The following DDHD1 variants were observed in gnomAD, a reference collection of about 807,000 sequenced individuals.
DDHD1 encodes the protein DDHD domain containing 1.
DDHD1 carries 49 observed loss-of-function variants against 96.4 expected under a neutral mutation model. The ratio of observed to expected loss-of-function variants is 0.51; its 90% CI spans 0.40 to 0.64. The LOEUF (loss-of-function observed/expected upper bound fraction) is 0.64, where lower values mean the gene tolerates loss of function less well. Among genes scored for constraint, DDHD1 ranks in the 30% least tolerant of loss-of-function variants. The pLI is 0.00. For synonymous variants in DDHD1, 442 were observed against 446.5 expected, an observed-to-expected ratio of 0.99 and a Z score of 0.13; for missense variants, 1,106 against 1,161.2, an observed-to-expected ratio of 0.95 and a Z score of 0.69.
intron 1 of DDHD1, among the ~76,000 whole-genome samples, chr14:53,137,982 G>A (rs148752095): frequency 1.3e-5 from 2 of 152,320 alleles, no homozygotes; most frequent in East Asian, 3.9e-4. Flanking sequence ...AACTATAGAA[G>A]TGAAAGACAA....
At chr14:53,065,350 T>C (rs917611515) in intron 6 of DDHD1, among the ~76,000 whole-genome samples, 3 of 152,152 alleles carry the variant, frequency 2.0e-5, no homozygotes, top group Non-Finnish European at 4.4e-5. Flanking sequence ...AATTAAATAA[T>C]TCAAATAATG....
In DDHD1 at chr14:53,063,242, G is replaced by C. The variant is rs763176538; in HGVS notation, c.1504-37C>G. 13 of 1,595,486 alleles carry C rather than the reference G, an allele frequency of 8.1e-6. No homozygotes were observed. In the East Asian group the frequency reaches 2.7e-4, roughly 33 times the overall value. ...AAGAAAACATTATCATATTAGACTT[G>C]TCACTGACTACTATACACTTATTCT... On this transcript the variant is annotated intron_variant, in intron 6 of 12. Coordinates refer to ENST00000673822, the MANE Select transcript of DDHD1 (RefSeq NM_001160148.2).
At chr14:53,131,298 C>T (rs989711768) in intron 1 of DDHD1, among the ~76,000 whole-genome samples, 3 of 152,162 alleles carry the variant, frequency 2.0e-5, no homozygotes, top group African/African-American at 7.2e-5. Context: ...TGATAGGACA[C>T]CTTTACTCCC....
intron 1 of DDHD1, among the ~76,000 whole-genome samples, chr14:53,150,403 G>C (rs894025254): frequency 1.3e-5 from 2 of 152,122 alleles, no homozygotes; most frequent in Admixed American, 6.5e-5. Context: ...AGTGGCCTTG[G>C]ACAAGTTCAT....
intron 1 of DDHD1, among the ~76,000 whole-genome samples, chr14:53,115,116 A>G (rs144624753): frequency 6.6e-6 from 1 of 152,344 alleles, no homozygotes; most frequent in Non-Finnish European, 1.5e-5. Context: ...AAGTGGAAGA[A>G]AGGATATCAG....
intron 4 of DDHD1, among the ~76,000 whole-genome samples, chr14:53,076,479 G>A (rs953712929): frequency 1.3e-5 from 2 of 152,134 alleles, no homozygotes; most frequent in African/African-American, 4.8e-5. Context: ...GGTTTGAGAT[G>A]GACTCTTGGT....
At chr14:53,132,142 A>C (rs1165580852) in intron 1 of DDHD1, among the ~76,000 whole-genome samples, 2 of 152,080 alleles carry the variant, frequency 1.3e-5, no homozygotes, top group Non-Finnish European at 2.9e-5. Context: ...CAGCCCTAAA[A>C]GCTGCTCCCC....
At chr14:53,116,740 T>G (rs957781966) in intron 1 of DDHD1, among the ~76,000 whole-genome samples, 1 of 152,160 alleles carries the variant, frequency 6.6e-6, no homozygotes, top group Non-Finnish European at 1.5e-5. Flanking sequence ...AGATGGAAAT[T>G]TATAGCACTA....
intron 1 of DDHD1, among the ~76,000 whole-genome samples, chr14:53,134,737 G>T (rs1213399072): frequency 6.6e-6 from 1 of 151,914 alleles, no homozygotes; most frequent in Non-Finnish European, 1.5e-5. Context: ...TAATTATGCT[G>T]AACCCCCTTG....
rs948741051 is a variant in DDHD1, at chr14:53,038,051, A to G, written c.*8717T>C. On this transcript the variant is annotated 3_prime_UTR_variant, in exon 13 of 13. Transcript: ENST00000673822. The stretch of plus-strand genomic sequence containing the variant: ...TAGGTATCAAAGGAACATATCTCAA[A>G]ATAATAAGAGCCATCTACAACCAAC... The G allele has an allele frequency of 1.3e-5, 2 of 152,132 alleles. No homozygotes were observed. The highest frequency in any genetic ancestry group is 4.8e-5 in the African/African-American group (2 of 41,446). 9.4% of individuals were successfully genotyped at this position (152,132 alleles called of 1,614,324 possible).
intron 6 of DDHD1, among the ~76,000 whole-genome samples, chr14:53,070,992 G>A (rs1257029844): frequency 6.6e-6 from 1 of 152,122 alleles, no homozygotes; most frequent in Non-Finnish European, 1.5e-5. Flanking sequence ...CAGCATTGGA[G>A]AATTTTACTC....
Position 53,111,385 on chromosome 14 carries a change from A to T in DDHD1, c.839-7529T>A, listed in dbSNP as rs895567774. On this transcript the variant is annotated intron_variant, in intron 1 of 12. Coordinates refer to ENST00000673822, the MANE Select transcript of DDHD1 (RefSeq NM_001160148.2). The stretch of plus-strand genomic sequence containing the variant: ...GGGTAAAGACTATATCCCATAAATC[A>T]TTTTTTTTTTTTAACAGTAGCTAGG... Among the ~76,000 whole-genome samples the T allele has an allele frequency of 1.3e-3, 187 of 147,894 alleles. 2 individuals are homozygous for T. The highest frequency in any genetic ancestry group is 4.1e-3 in the East Asian group (21 of 5,098).
chr14:53,117,376 T>C (rs965257008), intron 1 of DDHD1, among the ~76,000 whole-genome samples: 2 of 152,156 alleles, frequency 1.3e-5, no homozygotes, highest in Non-Finnish European at 2.9e-5. Context: ...GGTCAGGGGA[T>C]TTCCCTTTCC....
In DDHD1 at chr14:53,038,465, G is replaced by A. The variant is rs1203081244; in HGVS notation, c.*8303C>T. 5 of 152,146 alleles carry A rather than the reference G, an allele frequency of 3.3e-5. No homozygotes were observed. The highest frequency in any genetic ancestry group is 7.3e-5 in the Non-Finnish European group (5 of 68,030). 9.4% of individuals were successfully genotyped at this position (152,146 alleles called of 1,614,324 possible). A position where few individuals can be genotyped will look rare whatever the true frequency, so the allele number is the denominator to read the frequency against. ...CTTAAAAATACACCTAACCAAGGAGGTGAAAGATCTCTACAAGGAGAACTA... is the reference window on the plus strand; with the variant it reads ...CTTAAAAATACACCTAACCAAGGAGATGAAAGATCTCTACAAGGAGAACTA... On this transcript the variant is annotated 3_prime_UTR_variant, in exon 13 of 13. Transcript: ENST00000673822.
chr14:53,119,963 CAA>C (rs1431406325), intron 1 of DDHD1, among the ~76,000 whole-genome samples: 1 of 152,070 alleles, frequency 6.6e-6, no homozygotes, highest in African/African-American at 2.4e-5. Context: ...GGCAATCAGA[CAA>C]GAGAAAGAAA....
chr14:53,113,244 A>C (rs969328063), intron 1 of DDHD1, among the ~76,000 whole-genome samples: 1 of 151,994 alleles, frequency 6.6e-6, no homozygotes, highest in African/African-American at 2.4e-5. Context: ...CTGGGATTAC[A>C]GGCATATGCC....
At chr14:53,098,738 T>C (rs1258442926) in intron 2 of DDHD1, among the ~76,000 whole-genome samples, 1 of 152,098 alleles carries the variant, frequency 6.6e-6, no homozygotes, top group Non-Finnish European at 1.5e-5. Context: ...GGGGTATATT[T>C]ATTCAGCTAC....
chr14:53,047,416 G>A (rs1287141948), intron 12 of DDHD1, among the ~76,000 whole-genome samples: 1 of 152,174 alleles, frequency 6.6e-6, no homozygotes, highest in African/African-American at 2.4e-5. Flanking sequence ...AGTTGTGTGA[G>A]GGATATGTTA....
At chr14:53,147,487 T>A (rs1190638663) in intron 1 of DDHD1, among the ~76,000 whole-genome samples, 2 of 152,168 alleles carry the variant, frequency 1.3e-5, no homozygotes, top group East Asian at 3.8e-4. Flanking sequence ...TGATATTAGA[T>A]CCGTTTTTAA....
Sources: allele counts gnomAD v4.1 joint callset (sites outside exome capture counted in the v4.1 genomes callset), GRCh38; gene constraint gnomAD v4.1.1; transcripts MANE v1.5; gene names NCBI Gene and HGNC (gene_info 2026-07-23, HGNC 2026-07-21).